Variants in AHCY observed in about 807,000 individuals in gnomAD.
AHCY encodes the protein S-adenosyl-L-homocysteine hydrolase.
In AHCY, 24 loss-of-function variants were observed where a neutral mutation model predicts 45.4. The ratio of observed to expected loss-of-function variants is 0.53; its 90% confidence interval spans 0.38 to 0.74. The LOEUF (loss-of-function observed/expected upper bound fraction) is 0.74. AHCY is among the 30% of genes least tolerant of loss of function. AHCY has a pLI of 0.00. For missense variants in AHCY, 449 were observed against 594.1 expected, an observed-to-expected ratio of 0.76 and a Z score of 2.54; for synonymous variants, 245 against 235.1, an observed-to-expected ratio of 1.04 and a Z score of -0.39.
rs1031700171 is a variant in AHCY, at chr20:34,303,338, G to C, written c.-68C>G. 6.5e-7 allele frequency: 1 copy of C among 1,547,632 alleles called. No homozygotes were observed. Among genetic ancestry groups the C allele is most frequent in the African/African-American group, 1.4e-5 (1 of 72,968 alleles). ...CTCAGTCTGGGAACAGGAACTGGGC[G>C]GGCAGCGCCGAGCAGGGATATGCGC... On this transcript the variant is annotated 5_prime_UTR_variant, in exon 1 of 10. Coordinates refer to ENST00000217426, the MANE Select transcript of AHCY (RefSeq NM_000687.4).
At chr20:34,310,573 T>TGTG (rs2036937657) in intron 1 of AHCY, among the ~76,000 whole-genome samples, 1 of 152,240 alleles carries the variant, frequency 6.6e-6, no homozygotes, top group African/African-American at 2.4e-5. Context: ...TAGGAATTTA[T>TGTG]TCCAAAGATG....
At chr20:34,252,899 A>G in the AHCY span, among the ~76,000 whole-genome samples, 3 of 152,192 alleles carry the variant, frequency 2.0e-5, no homozygotes, top group South Asian at 4.1e-4. Context: ...GCCTGCAAAC[A>G]TGTTAACAAG....
the AHCY span, among the ~76,000 whole-genome samples, chr20:34,235,986 A>AGG: frequency 2.0e-4 from 26 of 128,856 alleles, no homozygotes; most frequent in East Asian, 6.6e-4. Flanking sequence ...GGAAGAAGGA[A>AGG]AGAAGGAAGG....
intron 1 of AHCY, among the ~76,000 whole-genome samples, chr20:34,308,576 T>G (rs1419048365): frequency 6.6e-6 from 1 of 152,040 alleles, no homozygotes; most frequent in Non-Finnish European, 1.5e-5. Flanking sequence ...TTTTTAAGTA[T>G]TTGAAATCCA....
chr20:34,234,958 T>C, the AHCY span: 1 of 151,844 alleles, frequency 6.6e-6, no homozygotes, highest in Non-Finnish European at 1.5e-5. Flanking sequence ...GTGTTGTTTT[T>C]TTCATCATAG....
intron 1 of AHCY, among the ~76,000 whole-genome samples, chr20:34,299,883 T>C (rs1461259621): frequency 6.6e-6 from 1 of 152,136 alleles, no homozygotes; most frequent in Admixed American, 6.6e-5. Context: ...ACCACCTTCA[T>C]CTAAACTGTC....
At chr20:34,298,509 G>A (rs2036649254) in intron 1 of AHCY, among the ~76,000 whole-genome samples, 2 of 151,728 alleles carry the variant, frequency 1.3e-5, no homozygotes, top group Admixed American at 6.6e-5. Context: ...CCAGCGTCTG[G>A]GAAGACGCCC....
intron 1 of AHCY, among the ~76,000 whole-genome samples, chr20:34,298,616 G>A (rs987982109): frequency 6.8e-6 from 1 of 147,232 alleles, no homozygotes; most frequent in Non-Finnish European, 1.5e-5. Context: ...GGGAGGGGGG[G>A]GGGTGTCTCC....
chr20:34,260,660 A>C, the AHCY span: 1 of 1,126,798 alleles, frequency 8.9e-7, no homozygotes, highest in Middle Eastern at 2.1e-4. Flanking sequence ...CCAGGAAATA[A>C]TCCTGGGAGA....
chr20:34,251,028 A>G, the AHCY span, among the ~76,000 whole-genome samples: 12 of 152,160 alleles, frequency 7.9e-5, no homozygotes, highest in African/African-American at 2.9e-4. Context: ...CACGCACGTC[A>G]ACAAGACTCC....
the AHCY span, among the ~76,000 whole-genome samples, chr20:34,251,306 C>T: frequency 3.3e-5 from 5 of 151,632 alleles, no homozygotes; most frequent in African/African-American, 4.8e-5. Context: ...AGTCTCGCTC[C>T]GTCGCCCAGG....
chr20:34,304,288 G>A (rs2036867344), upstream of AHCY, among the ~76,000 whole-genome samples: 1 of 152,094 alleles, frequency 6.6e-6, no homozygotes, highest in South Asian at 2.1e-4. Flanking sequence ...AGTCATCCCA[G>A]GCATGGGAAG....
chr20:34,293,585 G>A (rs1275305989), intron 3 of AHCY: 1 of 276,300 alleles, frequency 3.6e-6, no homozygotes, highest in African/African-American at 2.2e-5. Context: ...CCTGTGGTTG[G>A]TTAGAAGCAA....
chr20:34,247,638 T>G, the AHCY span, among the ~76,000 whole-genome samples: 1 of 151,990 alleles, frequency 6.6e-6, no homozygotes, highest in Non-Finnish European at 1.5e-5. Context: ...AGACATGGTC[T>G]CATTCTGTTC....
chr20:34,251,450 T>C, the AHCY span, among the ~76,000 whole-genome samples: 1 of 151,958 alleles, frequency 6.6e-6, no homozygotes, highest in Admixed American at 6.6e-5. Context: ...TTTTTTTGTA[T>C]TTTTTAATAG....
chr20:34,290,713 AC>A lies in AHCY; in HGVS notation c.766+17del. ...CTCTGGCCCCAGTGGCTGACAACCA[AC>A]CCTTGCCCTATCCTACCCTCCATGG... On this transcript the variant is annotated intron_variant, in intron 6 of 9. Coordinates refer to ENST00000217426, the MANE Select transcript of AHCY (RefSeq NM_000687.4). This position sits in a 1 kb window ranked among gnomAD's most constrained non-coding sequence, Gnocchi z 4.5. 1 of 1,612,226 alleles carries A rather than the reference AC, an allele frequency of 6.2e-7. No homozygotes were observed. Among genetic ancestry groups the A allele is most frequent in the Non-Finnish European group, 8.5e-7 (1 of 1,179,660 alleles).
chr20:34,262,195 T>C, the AHCY span, among the ~76,000 whole-genome samples: 2 of 152,220 alleles, frequency 1.3e-5, no homozygotes, highest in African/African-American at 4.8e-5. Context: ...TCAACATTTA[T>C]TGATCTTCAG....
At chr20:34,300,949 G>C (rs1320346044) in intron 1 of AHCY, among the ~76,000 whole-genome samples, 4 of 152,178 alleles carry the variant, frequency 2.6e-5, no homozygotes, top group Non-Finnish European at 5.9e-5. Context: ...GGTCACCTTT[G>C]TGTCTCCAGC....
chr20:34,235,232 G>A, the AHCY span, among the ~76,000 whole-genome samples: 1 of 152,178 alleles, frequency 6.6e-6, no homozygotes, highest in African/African-American at 2.4e-5. Flanking sequence ...ATGAAGTCAG[G>A]AGTTTGAGAC....
Sources: allele counts gnomAD v4.1 joint callset (sites outside exome capture counted in the v4.1 genomes callset), GRCh38; gene constraint gnomAD v4.1.1; non-coding constraint Gnocchi (gnomAD v3.1); transcripts MANE v1.5; gene names NCBI Gene and HGNC (gene_info 2026-07-23, HGNC 2026-07-21).